Variants in SIPA1L3 observed in about 807,000 individuals in gnomAD.
SIPA1L3 encodes the protein signal-induced proliferation-associated 1-like protein 3.
SIPA1L3 carries 59 observed loss-of-function variants against 150.1 expected under a neutral mutation model. That is an observed-to-expected ratio of 0.39 (90% CI 0.32 to 0.49). The LOEUF (loss-of-function observed/expected upper bound fraction) is 0.49, where lower values mean the gene tolerates loss of function less well. SIPA1L3 is among the 20% of genes least tolerant of loss of function. The probability of loss-of-function intolerance (pLI) is 0.86; values close to 1 mark genes in which losing one functional copy is unlikely to be tolerated. For synonymous variants in SIPA1L3, 1,070 were observed against 1,077.6 expected, an observed-to-expected ratio of 0.99 and a Z score of 0.14; for missense variants, 2,211 against 2,489.5, an observed-to-expected ratio of 0.89 and a Z score of 2.38.
At chr19:38,142,540 C>T (rs1971614228) in intron 11 of SIPA1L3, 33 bp from the exon 12 acceptor site, 6 of 1,583,060 alleles carry the variant, frequency 3.8e-6, no homozygotes, top group Non-Finnish European at 5.2e-6. Context: ...TCCTACTCAC[C>T]CTCTGCCTCC....
chr19:38,162,476 T>G, intron 14 of SIPA1L3, 105 bp downstream of exon 14: 2 of 799,802 alleles, frequency 2.5e-6, no homozygotes, highest in East Asian at 5.3e-5. Context: ...CACCTTCCAC[T>G]CAGCAGAGGG....
At chr19:37,996,527 CACTT>C (rs911073309) in intron 1 of SIPA1L3, among the ~76,000 whole-genome samples, 1 of 152,018 alleles carries the variant, frequency 6.6e-6, no homozygotes, top group African/African-American at 2.4e-5. Flanking sequence ...GTAGTGAGAA[CACTT>C]AAAGTCTACT....
intron 1 of SIPA1L3, among the ~76,000 whole-genome samples, chr19:37,972,316 A>G (rs1966962911): frequency 6.6e-6 from 1 of 152,162 alleles, no homozygotes; most frequent in African/African-American, 2.4e-5. Flanking sequence ...ATACGAAGAT[A>G]AATTTGTGAT....
intron 1 of SIPA1L3, among the ~76,000 whole-genome samples, chr19:37,912,412 T>C (rs1177522385): frequency 6.6e-6 from 1 of 152,142 alleles, no homozygotes; most frequent in South Asian, 2.1e-4. Context: ...GATCTGAAAA[T>C]GGGGATGATA....
chr19:37,966,328 G>T (rs1409510985), intron 1 of SIPA1L3, among the ~76,000 whole-genome samples: 1 of 152,200 alleles, frequency 6.6e-6, no homozygotes, highest in Admixed American at 6.5e-5. Flanking sequence ...CTCGGGCTCA[G>T]TGAGGGATGC....
At chr19:38,092,143 AGGT>A (rs759315574) in intron 4 of SIPA1L3, among the ~76,000 whole-genome samples, 9 of 151,918 alleles carry the variant, frequency 5.9e-5, no homozygotes, top group Non-Finnish European at 8.8e-5. Context: ...TTGGGGTAAG[AGGT>A]TAAGACGGAA....
Position 38,164,959 on chromosome 19 carries a change from T to C in SIPA1L3, c.4208+53T>C. 1 of 1,455,502 alleles carries C rather than the reference T, an allele frequency of 6.9e-7. No homozygotes were observed. Among genetic ancestry groups the C allele is most frequent in the East Asian group, 2.3e-5 (1 of 42,956 alleles). The allele number at this position is 1,455,502 out of a possible 1,614,324, so 90.2% of individuals were successfully genotyped here. A position where few individuals can be genotyped will look rare whatever the true frequency, so the allele number is the denominator to read the frequency against. ...TAACCACCTTCCACTTCGCCAGTTC[T>C]ACTTTTACGGTCCTGATGGTGGGGT... On this transcript the variant is annotated intron_variant, in intron 15 of 21. Transcript: ENST00000222345. This position sits in a 1 kb window ranked among gnomAD's most constrained non-coding sequence, Gnocchi z 4.1.
At chr19:38,042,784 G>A (rs138100941) in intron 2 of SIPA1L3, among the ~76,000 whole-genome samples, 197 of 152,248 alleles carry the variant, frequency 1.3e-3, no homozygotes, top group Middle Eastern at 6.8e-3. Context: ...ACCTTCCTGC[G>A]TGAGCTGTAA....
At chr19:38,058,026 A>G (rs1469517974) in intron 2 of SIPA1L3, among the ~76,000 whole-genome samples, 1 of 152,048 alleles carries the variant, frequency 6.6e-6, no homozygotes, top group Non-Finnish European at 1.5e-5. Flanking sequence ...GGGAACATTA[A>G]AAAAGAAAGA....
Position 37,950,506 on chromosome 19 carries a change from A to G in SIPA1L3, c.-379+43148A>G, listed in dbSNP as rs115267185. On this transcript the variant is annotated intron_variant, in intron 1 of 21. Coordinates refer to ENST00000222345, the MANE Select transcript of SIPA1L3 (RefSeq NM_015073.3). The stretch of plus-strand genomic sequence containing the variant: ...AGAGCTTACAGGGCTCGATCATTGG[A>G]TGTACGTTTGTCGTCTGAGATTTGG... 5.3e-3 allele frequency among the ~76,000 whole-genome samples: 809 copies of G among 152,236 alleles called. 11 individuals carry two copies. Among genetic ancestry groups the G allele is most frequent in the African/African-American group, 0.018 (751 of 41,544 alleles).
chr19:38,009,931 G>C (rs1968057369), intron 1 of SIPA1L3, among the ~76,000 whole-genome samples: 1 of 152,214 alleles, frequency 6.6e-6, no homozygotes, highest in Non-Finnish European at 1.5e-5. Context: ...TGGAGAGCCT[G>C]CTGCTTGTTT....
intron 1 of SIPA1L3, among the ~76,000 whole-genome samples, chr19:37,943,018 C>G: frequency 8.9e-6 from 1 of 112,524 alleles, no homozygotes; most frequent in South Asian, 3.6e-4. Flanking sequence ...CTCTTTCTCT[C>G]TCTCTCTCTC....
chr19:38,067,379 G>T (rs569613256), intron 2 of SIPA1L3, among the ~76,000 whole-genome samples: 1 of 152,310 alleles, frequency 6.6e-6, no homozygotes, highest in African/African-American at 2.4e-5. Flanking sequence ...ACAGCTGGAC[G>T]TGGCCTCCCT....
chr19:38,120,930 C>T (rs1169404802), intron 9 of SIPA1L3, among the ~76,000 whole-genome samples: 1 of 152,236 alleles, frequency 6.6e-6, no homozygotes, highest in Non-Finnish European at 1.5e-5. Flanking sequence ...AGCACAAGAT[C>T]TAGTCAGAAG....
intron 1 of SIPA1L3, among the ~76,000 whole-genome samples, chr19:37,920,738 G>A (rs1169466166): frequency 6.6e-6 from 1 of 152,054 alleles, no homozygotes; most frequent in Non-Finnish European, 1.5e-5. Flanking sequence ...TATTATATGA[G>A]CCAATACTTG....
intron 15 of SIPA1L3, among the ~76,000 whole-genome samples, chr19:38,178,086 G>GGTGT (rs765404105): frequency 0.02 from 2,616 of 130,832 alleles, 28 homozygotes; most frequent in Non-Finnish European, 0.023. Flanking sequence ...GCAGGCTTTT[G>GGTGT]GTGTGTGTGT....
In SIPA1L3 at chr19:37,993,435, G is replaced by A. The variant is rs558094476; in HGVS notation, c.-378-35654G>A. Among the ~76,000 whole-genome samples the A allele has an allele frequency of 5.9e-5, 9 of 152,242 alleles. 1 individual carries two copies. The South Asian group carries it at 1.0e-3, about 18-fold the overall frequency. ...CAACCTCCGCCTCCTGGGTTCAAGCGATTCTCTTGCCTCAGCCTCCCGAGT... is the reference window on the plus strand; with the variant it reads ...CAACCTCCGCCTCCTGGGTTCAAGCAATTCTCTTGCCTCAGCCTCCCGAGT... On this transcript the variant is annotated intron_variant, in intron 1 of 21. Coordinates refer to ENST00000222345, the MANE Select transcript of SIPA1L3 (RefSeq NM_015073.3).
At chr19:38,090,190 C>T (rs543243260) in intron 4 of SIPA1L3, among the ~76,000 whole-genome samples, 13 of 151,860 alleles carry the variant, frequency 8.6e-5, no homozygotes, top group South Asian at 2.1e-4. Flanking sequence ...ATTAGCTGGG[C>T]GTGGTGGCAG....
intron 17 of SIPA1L3, among the ~76,000 whole-genome samples, chr19:38,193,118 G>C (rs1401946990): frequency 2.0e-5 from 3 of 151,924 alleles, no homozygotes; most frequent in Non-Finnish European, 2.9e-5. Context: ...AAGGTGAGAG[G>C]ATCACTTGAG....
Sources: allele counts gnomAD v4.1 joint callset (sites outside exome capture counted in the v4.1 genomes callset), GRCh38; gene constraint gnomAD v4.1.1; non-coding constraint Gnocchi (gnomAD v3.1); transcripts MANE v1.5; gene names NCBI Gene and HGNC (gene_info 2026-07-23, HGNC 2026-07-21).